Variants in GALNT13 observed in about 807,000 individuals in gnomAD.
GALNT13 encodes polypeptide N-acetylgalactosaminyltransferase 13.
A neutral mutation model predicts 64.2 loss-of-function variants in GALNT13; 28 were observed. That is an observed-to-expected ratio of 0.44 (90% CI 0.32 to 0.60). GALNT13 has a LOEUF of 0.60. Ranked by LOEUF, GALNT13 falls within the 20% of genes least tolerant of loss-of-function variation. The probability of loss-of-function intolerance (pLI) is 0.05; values close to 1 mark genes in which losing one functional copy is unlikely to be tolerated. For synonymous variants in GALNT13, 214 were observed against 224.6 expected (o/e 0.95, Z 0.42); for missense variants, 577 against 669.8 (o/e 0.86, Z 1.53).
Position 154,451,961 on chromosome 2 carries a change from G to C in GALNT13, c.*1410G>C, listed in dbSNP as rs996714604. 6.6e-6 allele frequency: 1 copy of C among 152,028 alleles called. No homozygotes were observed. The highest frequency in any genetic ancestry group is 1.5e-5 in the Non-Finnish European group (1 of 68,000). 9.4% of individuals were successfully genotyped at this position (152,028 alleles called of 1,614,324 possible). On this transcript the variant is annotated 3_prime_UTR_variant, in exon 13 of 13. Transcript: ENST00000392825. ...TTACTTAAAAAGCTCTTATAGAAAG[G>C]ATTAATCATTTTGACTGCATACAAA...
chr2:153,985,625 C>T (rs1407546087), intron 3 of GALNT13, among the ~76,000 whole-genome samples: 1 of 151,934 alleles, frequency 6.6e-6, no homozygotes, highest in Non-Finnish European at 1.5e-5. Flanking sequence ...AAAACAAACA[C>T]ATTATGACAG....
chr2:153,872,416 G>A (rs10194599), intron 1 of GALNT13, 113 bp downstream of exon 1: 124,277 of 151,802 alleles, frequency 0.82, 52,092 homozygotes, highest in Non-Finnish European at 0.9. Context: ...GGCGAGTGCC[G>A]GGGCGCGGAG....
At chr2:153,185,212 T>C in the GALNT13 span, among the ~76,000 whole-genome samples, 1 of 152,208 alleles carries the variant, frequency 6.6e-6, no homozygotes, top group Non-Finnish European at 1.5e-5. Context: ...GTCCAGGGAT[T>C]TATCTATTTC....
At chr2:154,087,507 C>G (rs1701589968) in intron 3 of GALNT13, among the ~76,000 whole-genome samples, 1 of 152,158 alleles carries the variant, frequency 6.6e-6, no homozygotes, top group Middle Eastern at 3.4e-3. Context: ...TATACACTTA[C>G]TTGACTAAGT....
the GALNT13 span, among the ~76,000 whole-genome samples, chr2:153,362,819 C>T: frequency 2.0e-4 from 30 of 152,096 alleles, no homozygotes; most frequent in African/African-American, 5.5e-4. Flanking sequence ...CAATATTAGA[C>T]GGATCAATTA....
the GALNT13 span, among the ~76,000 whole-genome samples, chr2:153,327,708 G>A: frequency 6.6e-6 from 1 of 151,860 alleles, no homozygotes; most frequent in African/African-American, 2.4e-5. Flanking sequence ...CTTGTATCAA[G>A]GTTCTTAGCT....
At chr2:153,689,059 A>G in the GALNT13 span, among the ~76,000 whole-genome samples, 1 of 90,778 alleles carries the variant, frequency 1.1e-5, no homozygotes, top group African/African-American at 4.2e-5. Flanking sequence ...ATATTGCTAA[A>G]CCGCGTGTGT....
At chr2:153,877,760 G>T (rs1036372749) in intron 1 of GALNT13, among the ~76,000 whole-genome samples, 3 of 152,108 alleles carry the variant, frequency 2.0e-5, no homozygotes, top group African/African-American at 7.2e-5. Flanking sequence ...ATGTAAAGGT[G>T]TATCCATTCC....
At chr2:154,332,832 T>G (rs1574103047) in intron 9 of GALNT13, among the ~76,000 whole-genome samples, 1 of 152,116 alleles carries the variant, frequency 6.6e-6, no homozygotes, top group Non-Finnish European at 1.5e-5. Context: ...AGCAAATGAA[T>G]GAAGAATAAG....
In GALNT13 at chr2:154,059,017, AGTGATTAAATTCT is replaced by A. The variant is rs751284345; in HGVS notation, c.143-81317_143-81305del. On this transcript the variant is annotated intron_variant, in intron 3 of 12. Coordinates refer to ENST00000392825, the MANE Select transcript of GALNT13 (RefSeq NM_052917.4). ...CTAGGGTGGAACAGTAGAGGTGATT[AGTGATTAAATTCT>A]GTATTTTGAAATAAAAACCAAGTGT... is the stretch of plus-strand genomic sequence containing the variant. Among the ~76,000 whole-genome samples the A allele has an allele frequency of 9.3e-4, 141 of 152,202 alleles. 1 individual carries two copies. Among genetic ancestry groups the A allele is most frequent in the Non-Finnish European group, 4.0e-4 (27 of 68,028 alleles).
chr2:153,119,653 A>T, the GALNT13 span, among the ~76,000 whole-genome samples: 1 of 152,212 alleles, frequency 6.6e-6, no homozygotes, highest in African/African-American at 2.4e-5. Flanking sequence ...GTTTTCTGAA[A>T]CTGTGACAAG....
At chr2:153,222,674 G>C in the GALNT13 span, among the ~76,000 whole-genome samples, 4 of 152,188 alleles carry the variant, frequency 2.6e-5, no homozygotes, top group Non-Finnish European at 5.9e-5. Context: ...TCCCGAGATT[G>C]TCAGCACCCA....
intron 4 of GALNT13, among the ~76,000 whole-genome samples, chr2:154,193,296 T>G (rs894146275): frequency 6.6e-6 from 1 of 152,256 alleles, no homozygotes; most frequent in Admixed American, 6.5e-5. Context: ...AAATGATAAC[T>G]GATATCTCTA....
intron 3 of GALNT13, among the ~76,000 whole-genome samples, chr2:153,979,402 T>A (rs1039534893): frequency 3.3e-5 from 5 of 152,134 alleles, no homozygotes. Context: ...TAGAGGCACT[T>A]ACAACTAAAT....
chr2:153,940,955 A>G (rs1192938588), intron 2 of GALNT13, among the ~76,000 whole-genome samples: 2 of 152,210 alleles, frequency 1.3e-5, no homozygotes. Flanking sequence ...AAAAAGAACA[A>G]CAAATAAAAA....
At chr2:153,503,928 T>C in the GALNT13 span, among the ~76,000 whole-genome samples, 1 of 151,898 alleles carries the variant, frequency 6.6e-6, no homozygotes, top group East Asian at 1.9e-4. Flanking sequence ...GGAATAATGG[T>C]GGTATATTGA....
chr2:154,116,543 A>G (rs6712919), intron 3 of GALNT13, among the ~76,000 whole-genome samples: 27,736 of 152,114 alleles, frequency 0.18, 4,637 homozygotes, highest in East Asian at 0.74. Flanking sequence ...CCACTGAACT[A>G]GGAGCAACCA....
chr2:153,166,755 T>C, the GALNT13 span, among the ~76,000 whole-genome samples: 1 of 152,094 alleles, frequency 6.6e-6, no homozygotes, highest in Non-Finnish European at 1.5e-5. Flanking sequence ...GGCTGGGCAC[T>C]GTGGCCTTGG....
intron 8 of GALNT13, among the ~76,000 whole-genome samples, chr2:154,289,179 A>C (rs918127183): frequency 6.6e-6 from 1 of 152,192 alleles, no homozygotes; most frequent in Non-Finnish European, 1.5e-5. Flanking sequence ...CCTCTAAAGC[A>C]ACAGTCTGAG....
Sources: gnomAD v4.1 joint callset for allele counts (sites outside exome capture counted in the v4.1 genomes callset) on GRCh38, gnomAD v4.1.1 for gene constraint, MANE v1.5 for transcripts, NCBI Gene and HGNC (gene_info 2026-07-23, HGNC 2026-07-21) for gene names.